ZSCAN5A: variants seen among roughly 807,000 people sequenced by gnomAD.
ZSCAN5A encodes the protein zinc finger and SCAN domain-containing protein 5A.
A neutral mutation model predicts 23.7 loss-of-function variants in ZSCAN5A; 12 were observed. The ratio of observed to expected loss-of-function variants is 0.51; its 90% CI spans 0.32 to 0.82. The LOEUF (loss-of-function observed/expected upper bound fraction) is 0.82, where lower values mean the gene tolerates loss of function less well. ZSCAN5A is among the 40% of genes least tolerant of loss of function. ZSCAN5A has a pLI of 0.03. For synonymous variants in ZSCAN5A, 257 were observed against 239.9 expected, an observed-to-expected ratio of 1.07 and a Z score of -0.66; for missense variants, 597 against 617.9, an observed-to-expected ratio of 0.97 and a Z score of 0.36.
rs1406422829 is a variant in ZSCAN5A at position 56,282,651 on chromosome 19, G to A, written c.-128+30632C>T. ...AACTAGTAAAACCAAGTGTGGAATTGTCCTTTGATGAACAACAACAACAAC... is the reference window on the plus strand; with the variant it reads ...AACTAGTAAAACCAAGTGTGGAATTATCCTTTGATGAACAACAACAACAAC... On this transcript the variant is annotated intron_variant, in intron 2 of 5. Transcript: ENST00000683990. Among the ~76,000 whole-genome samples the A allele has an allele frequency of 2.6e-5, 4 of 152,106 alleles. No homozygotes were observed. In the East Asian group the frequency reaches 7.7e-4, roughly 29 times the overall value.
intron 2 of ZSCAN5A, among the ~76,000 whole-genome samples, chr19:56,309,023 T>C (rs895340785): frequency 3.9e-5 from 6 of 152,216 alleles, no homozygotes; most frequent in Non-Finnish European, 8.8e-5. Context: ...AAAGCAATCG[T>C]AGAGAATACA....
intron 2 of ZSCAN5A, among the ~76,000 whole-genome samples, chr19:56,294,523 G>A (rs1025834036): frequency 4.6e-5 from 7 of 152,122 alleles, no homozygotes; most frequent in African/African-American, 1.7e-4. Flanking sequence ...GCGCTAAATA[G>A]TAAACATCTT....
intron 2 of ZSCAN5A, among the ~76,000 whole-genome samples, chr19:56,358,419 C>A (rs2041711371): frequency 6.7e-6 from 1 of 149,012 alleles, no homozygotes; most frequent in Admixed American, 6.6e-5. Context: ...CCACGCCCAG[C>A]CCATAAAACA....
chr19:56,242,148 T>A (rs1423621159), intron 2 of ZSCAN5A, among the ~76,000 whole-genome samples: 1 of 152,092 alleles, frequency 6.6e-6, no homozygotes, highest in Non-Finnish European at 1.5e-5. Context: ...CTAATTTACA[T>A]CCCAGCACGG....
At chr19:56,320,262 GC>G in intron 2 of ZSCAN5A, 1 of 487,522 alleles carries the variant, frequency 2.1e-6, no homozygotes. Context: ...TTGCTCTGCT[GC>G]CCGGACATTT....
At chr19:56,314,631 C>T (rs1348551781) in intron 1 of ZSCAN5A, 50 bp downstream of exon 1, 1 of 152,262 alleles carries the variant, frequency 6.6e-6, no homozygotes, top group Non-Finnish European at 1.5e-5. Context: ...CCAGTCCGGC[C>T]TCCGCCAGTG....
chr19:56,234,518 G>A (rs2034719350), intron 2 of ZSCAN5A, among the ~76,000 whole-genome samples: 1 of 152,070 alleles, frequency 6.6e-6, no homozygotes, highest in Non-Finnish European at 1.5e-5. Flanking sequence ...CAACAAGGAA[G>A]TAAAACCAAA....
At chr19:56,302,505 C>T (rs2040330010) in intron 2 of ZSCAN5A, among the ~76,000 whole-genome samples, 1 of 55,402 alleles carries the variant, frequency 1.8e-5, no homozygotes, top group Non-Finnish European at 4.1e-5. Flanking sequence ...CCCTCTCTGC[C>T]CTTCTTTCCT....
intron 2 of ZSCAN5A, among the ~76,000 whole-genome samples, chr19:56,341,446 A>G (rs528136149): frequency 6.6e-6 from 1 of 152,250 alleles, no homozygotes; most frequent in East Asian, 1.9e-4. Flanking sequence ...AGCAACCCCA[A>G]GACAAATAAT....
Position 56,352,250 on chromosome 19 carries a change from G to C in ZSCAN5A, c.-358+10985C>G, listed in dbSNP as rs532212794. Among the ~76,000 whole-genome samples, 1 of 152,022 alleles carries C rather than the reference G, an allele frequency of 6.6e-6. No individual in the cohort carries two copies. Among genetic ancestry groups the C allele is most frequent in the Non-Finnish European group, 1.5e-5 (1 of 68,002 alleles). ...CCAAGTAGCTGGGACTACAGGCGCC[G>C]ATAGTGTGGTGTTTTAACAAAGCTT... On this transcript the variant is annotated intron_variant, in intron 2 of 6. Transcript: ENST00000587340. This position sits in a 1 kb window ranked among gnomAD's most constrained non-coding sequence, Gnocchi z 4.2.
chr19:56,353,363 A>C (rs963657721), intron 2 of ZSCAN5A, among the ~76,000 whole-genome samples: 2 of 152,330 alleles, frequency 1.3e-5, no homozygotes, highest in South Asian at 4.1e-4. Context: ...TATTCTGTGC[A>C]TTAAGACTAT....
intron 2 of ZSCAN5A, among the ~76,000 whole-genome samples, chr19:56,251,052 G>T (rs542766995): frequency 6.6e-6 from 1 of 151,908 alleles, no homozygotes; most frequent in Non-Finnish European, 1.5e-5. Context: ...TGGGAAGCTG[G>T]GGCAGGAGAA....
intron 2 of ZSCAN5A, among the ~76,000 whole-genome samples, chr19:56,341,563 C>T (rs181847498): frequency 4.7e-4 from 71 of 151,858 alleles, no homozygotes; most frequent in Admixed American, 4.7e-3. Context: ...GAGTCAAGGC[C>T]CTGTAACTCA....
At chr19:56,338,018 A>G (rs910475161) in intron 2 of ZSCAN5A, among the ~76,000 whole-genome samples, 2 of 152,214 alleles carry the variant, frequency 1.3e-5, no homozygotes, top group Non-Finnish European at 2.9e-5. Flanking sequence ...GAATCCTGGA[A>G]GAGGGGAGAG....
chr19:56,314,845 C>T (rs926371796), upstream of ZSCAN5A: 7 of 152,226 alleles, frequency 4.6e-5, no homozygotes, highest in Non-Finnish European at 1.0e-4. Context: ...ACATTGGCTG[C>T]TAGGAGGCCT....
intron 2 of ZSCAN5A, chr19:56,310,498 C>G (rs1057466520): frequency 6.6e-6 from 1 of 152,252 alleles, no homozygotes; most frequent in South Asian, 2.1e-4. Context: ...TGAAAACTAA[C>G]AGGTATGCTG....
intron 2 of ZSCAN5A, among the ~76,000 whole-genome samples, chr19:56,322,461 T>TG (rs1330507031): frequency 1.3e-5 from 2 of 152,228 alleles, no homozygotes; most frequent in African/African-American, 4.8e-5. Context: ...AGCCCTCGCC[T>TG]GGCTTTACAC....
chr19:56,309,347 T>C (rs1224444028), intron 2 of ZSCAN5A, among the ~76,000 whole-genome samples: 2 of 152,066 alleles, frequency 1.3e-5, no homozygotes, highest in Non-Finnish European at 2.9e-5. Context: ...CTTTTTTGGG[T>C]TGATGAAAAT....
chr19:56,288,641 G>C (rs2039303026), intron 2 of ZSCAN5A, among the ~76,000 whole-genome samples: 1 of 152,188 alleles, frequency 6.6e-6, no homozygotes, highest in Non-Finnish European at 1.5e-5. Flanking sequence ...GCACACAGGA[G>C]ATGCCTCATA....
Sources: allele counts gnomAD v4.1 joint callset (sites outside exome capture counted in the v4.1 genomes callset), GRCh38; gene constraint gnomAD v4.1.1; non-coding constraint Gnocchi (gnomAD v3.1); transcripts MANE v1.5; gene names NCBI Gene and HGNC (gene_info 2026-07-23, HGNC 2026-07-21).